The following OSBPL1A variants were observed in gnomAD, a reference collection of about 807,000 sequenced individuals.
OSBPL1A encodes the protein oxysterol-binding protein-related protein 1.
In OSBPL1A, 80 loss-of-function variants were observed where a neutral mutation model predicts 137.1. That is an observed-to-expected ratio of 0.58 (90% confidence interval 0.49 to 0.70). The LOEUF (loss-of-function observed/expected upper bound fraction) is 0.70. Ranked by LOEUF, OSBPL1A falls within the 30% of genes least tolerant of loss-of-function variation. The probability of loss-of-function intolerance (pLI) is 0.00; values close to 1 mark genes in which losing one functional copy is unlikely to be tolerated. For missense variants in OSBPL1A, 970 were observed against 1,129.4 expected, an observed-to-expected ratio of 0.86 and a Z score of 2.02; for synonymous variants, 365 against 389.7, an observed-to-expected ratio of 0.94 and a Z score of 0.75.
chr18:24,193,206 G>T (rs1466236902), intron 18 of OSBPL1A, among the ~76,000 whole-genome samples: 2 of 152,154 alleles, frequency 1.3e-5, no homozygotes, highest in African/African-American at 4.8e-5. Context: ...AAACATGCAG[G>T]CTGGGCGCGG....
chr18:24,275,234 A>C (rs1182136824), intron 15 of OSBPL1A, among the ~76,000 whole-genome samples: 2 of 152,240 alleles, frequency 1.3e-5, no homozygotes, highest in Non-Finnish European at 2.9e-5. Flanking sequence ...TTCCAAAGAC[A>C]GGAGCTATTT....
intron 18 of OSBPL1A, among the ~76,000 whole-genome samples, chr18:24,190,003 A>G (rs2086847097): frequency 6.6e-6 from 1 of 152,260 alleles, no homozygotes; most frequent in Non-Finnish European, 1.5e-5. Flanking sequence ...CGTGGAGAAG[A>G]AGGTAAGAAA....
At chr18:24,193,487 CAAAA>C (rs61065111) in intron 18 of OSBPL1A, among the ~76,000 whole-genome samples, 2 of 78,860 alleles carry the variant, frequency 2.5e-5, no homozygotes, top group African/African-American at 4.0e-5. Context: ...GACTCCGACT[CAAAA>C]AAAAAAAAAA....
In OSBPL1A at chr18:24,312,010, C is replaced by A. The variant is rs148186272; in HGVS notation, c.1066G>T (p.Ala356Ser). The change falls in exon 13 of 28, where the codon GCT becomes TCT. Residue 356 changes from alanine to serine, a missense_variant. Around this residue, in one of 2 missense-constraint regions of OSBPL1A, gnomAD observed 647 missense variants for 672.6 expected, o/e 0.96. Transcript: ENST00000319481. Reference protein sequence around the residue: ...TDEEEEDTVSAADLKKSLEKA... With the variant: ...TDEEEEDTVSSADLKKSLEKA... The stretch of plus-strand genomic sequence containing the variant: ...TCTAATGATTTCTTCAGGTCTGCAG[C>A]AGAAACCGTATCTTCCTCCTCCTCA... 3 of 1,613,956 alleles carry A rather than the reference C, an allele frequency of 1.9e-6. No homozygotes were observed. The highest frequency in any genetic ancestry group is 2.5e-6 in the Non-Finnish European group (3 of 1,179,954).
intron 15 of OSBPL1A, among the ~76,000 whole-genome samples, chr18:24,255,756 ATTTT>A (rs536171928): frequency 2.2e-5 from 3 of 138,108 alleles, no homozygotes; most frequent in Non-Finnish European, 1.6e-5. Flanking sequence ...AAACTTTCTA[ATTTT>A]TTTTTTTTTT....
intron 18 of OSBPL1A, among the ~76,000 whole-genome samples, chr18:24,190,281 T>C (rs939186661): frequency 7.4e-6 from 1 of 135,802 alleles, no homozygotes; most frequent in Non-Finnish European, 1.5e-5. Context: ...AGATGGCACC[T>C]GCACTGGAGG....
At chr18:24,300,887 G>T (rs1218046426) in intron 14 of OSBPL1A, among the ~76,000 whole-genome samples, 1 of 152,120 alleles carries the variant, frequency 6.6e-6, no homozygotes, top group Non-Finnish European at 1.5e-5. Context: ...ACATGACCTT[G>T]ACTCACTGCA....
intron 4 of OSBPL1A, among the ~76,000 whole-genome samples, chr18:24,355,723 G>T (rs766468337): frequency 6.6e-6 from 1 of 151,972 alleles, no homozygotes; most frequent in Non-Finnish European, 1.5e-5. Context: ...AGTGGCTCAC[G>T]CTTGTAAACC....
At chr18:24,299,483 C>T (rs1006126713) in intron 14 of OSBPL1A, among the ~76,000 whole-genome samples, 1 of 151,996 alleles carries the variant, frequency 6.6e-6, no homozygotes. Context: ...ATTTCTCCTT[C>T]ATTTATCAAA....
intron 1 of OSBPL1A, among the ~76,000 whole-genome samples, chr18:24,388,078 T>G (rs143551305): frequency 1.4e-4 from 22 of 152,252 alleles, no homozygotes; most frequent in African/African-American, 5.1e-4. Flanking sequence ...GGAAGACAAG[T>G]GTACAAATAA....
At chr18:24,314,423 TTAAAG>T in intron 11 of OSBPL1A, 76 bp from the exon 12 acceptor site, 3 of 995,970 alleles carry the variant, frequency 3.0e-6, no homozygotes, top group Non-Finnish European at 4.5e-6. Flanking sequence ...TACATAAAAT[TTAAAG>T]TAGTGACATG....
intron 7 of OSBPL1A, among the ~76,000 whole-genome samples, chr18:24,323,135 G>T (rs549083849): frequency 2.3e-3 from 353 of 152,138 alleles, no homozygotes; most frequent in African/African-American, 8.2e-3. Context: ...CTTAAAAATG[G>T]TAAGGGGAAA....
At chr18:24,367,099 TTAAAG>T in intron 3 of OSBPL1A, 133 bp from the exon 4 acceptor site, 1 of 712,342 alleles carries the variant, frequency 1.4e-6, no homozygotes, top group Non-Finnish European at 2.1e-6. Flanking sequence ...TAAATTAAAT[TTAAAG>T]TAACAATAAA....
At chr18:24,203,836 T>C (rs1478971174) in intron 17 of OSBPL1A, among the ~76,000 whole-genome samples, 2 of 152,002 alleles carry the variant, frequency 1.3e-5, no homozygotes, top group African/African-American at 4.8e-5. Context: ...TTGTCAATAC[T>C]GCACGCAAAT....
chr18:24,378,384 G>A (rs1906348371), intron 1 of OSBPL1A, among the ~76,000 whole-genome samples: 1 of 152,168 alleles, frequency 6.6e-6, no homozygotes, highest in East Asian at 1.9e-4. Flanking sequence ...GTGGAGATCA[G>A]CAATTTGGCA....
chr18:24,271,088 A>G lies in OSBPL1A; in HGVS notation c.1281+9754T>C, dbSNP rs557827823. Among the ~76,000 whole-genome samples, 9 of 152,308 alleles carry G rather than the reference A, an allele frequency of 5.9e-5. No homozygotes were observed. Among genetic ancestry groups the G allele is most frequent in the Non-Finnish European group, 1.3e-4 (9 of 68,028 alleles). On this transcript the variant is annotated intron_variant, in intron 15 of 27. Coordinates refer to ENST00000319481, the MANE Select transcript of OSBPL1A (RefSeq NM_080597.4). The surrounding 1 kb of genome is among the most constrained non-coding windows in gnomAD (Gnocchi z 4.0). Reference sequence around the variant, plus strand: ...CAAAAATCCTTAATCAAAACATTAAAGTTAAAAGCCACCTCCCCATTCCCC... The same window carrying G: ...CAAAAATCCTTAATCAAAACATTAAGGTTAAAAGCCACCTCCCCATTCCCC...
chr18:24,242,323 T>G (rs775546691), intron 15 of OSBPL1A, among the ~76,000 whole-genome samples: 6 of 126,550 alleles, frequency 4.7e-5, no homozygotes, highest in African/African-American at 9.1e-5. Context: ...CAAAAAAGAT[T>G]CAGTTAGGGG....
At chr18:24,303,456 A>G (rs147764593) in intron 14 of OSBPL1A, among the ~76,000 whole-genome samples, 181 bp downstream of exon 14, 57 of 152,354 alleles carry the variant, frequency 3.7e-4, no homozygotes, top group Non-Finnish European at 7.2e-4. Flanking sequence ...TAATCTCTAA[A>G]GCAAGCATCC....
intron 17 of OSBPL1A, among the ~76,000 whole-genome samples, chr18:24,198,830 G>A (rs2087117634): frequency 6.6e-6 from 1 of 151,470 alleles, no homozygotes. Context: ...CTCAGGCTCA[G>A]GTGTCACTGT....
Sources: allele counts gnomAD v4.1 joint callset (sites outside exome capture counted in the v4.1 genomes callset), GRCh38; gene constraint gnomAD v4.1.1; regional missense constraint gnomAD v4.1.1; non-coding constraint Gnocchi (gnomAD v3.1); transcripts MANE v1.5; gene names NCBI Gene and HGNC (gene_info 2026-07-23, HGNC 2026-07-21).